The following NEB variants were observed in gnomAD, a reference collection of about 807,000 sequenced individuals.
The protein encoded by NEB is nebulin.
In NEB, 512 loss-of-function variants were observed where a neutral mutation model predicts 952.2. The observed-to-expected ratio is 0.54, with a 90% CI of 0.50 to 0.58. The LOEUF is 0.58. NEB is among the 20% of genes least tolerant of loss of function. The pLI is 0.00. For missense variants in NEB, 8,428 were observed against 9,231.1 expected (o/e 0.91, Z 3.56); for synonymous variants, 2,900 against 3,149.8 (o/e 0.92, Z 2.66).
At chr2:151,638,403 G>A (rs1013092261) in intron 63 of NEB, among the ~76,000 whole-genome samples, 3 of 152,188 alleles carry the variant, frequency 2.0e-5, no homozygotes, top group Admixed American at 2.0e-4. Context: ...CCGCAGCTTG[G>A]GATATTGGAT....
intron 126 of NEB, 25 bp downstream of exon 126, chr2:151,553,803 G>A (rs752862300): frequency 1.9e-6 from 3 of 1,587,268 alleles, no homozygotes; most frequent in African/African-American, 2.7e-5. Context: ...GCCGTGGAGG[G>A]GTACTTCTTA....
chr2:151,489,987 T>C lies in NEB; in HGVS notation c.25388A>G (p.His8463Arg). 4 of 1,599,752 alleles carry C rather than the reference T, an allele frequency of 2.5e-6. No individual in the cohort carries two copies. Among genetic ancestry groups the C allele is most frequent in the Non-Finnish European group, 3.4e-6 (4 of 1,167,034 alleles). ...TTCACTTACTCCAGCAGTAGATGGA[T>C]GAGATGGGATGGAAGATACCGTTGT... Reference protein sequence around the residue: ...QQTTVSSIPSHPSTAGKIFRA... With the variant: ...QQTTVSSIPSRPSTAGKIFRA... Residue 8463 changes from histidine (H) to arginine (R), a missense_variant, in exon 181 of 182, where the codon CAT becomes CGT. This residue lies in a region of NEB where 3,374 missense variants were observed against 3,651.5 expected (regional missense o/e 0.92). Transcript: ENST00000397345.
At chr2:151,665,299 G>T in intron 42 of NEB, 34 bp downstream of exon 42, 5 of 1,598,644 alleles carry the variant, frequency 3.1e-6, no homozygotes, top group Non-Finnish European at 4.3e-6. Flanking sequence ...CACCATGAGG[G>T]TTCCCTGGGC....
Position 151,610,878 on chromosome 2 carries a change from G to T in NEB, c.11806-12C>A. On this transcript the variant is annotated splice_polypyrimidine_tract_variant and intron_variant, in intron 78 of 181. Transcript: ENST00000397345. ...TCTGTGTATAAATGCTACAGGGCAG[G>T]GCGGCATGGGGCATGGGGAGAGGGA... The T allele has an allele frequency of 6.5e-7, 1 of 1,533,216 alleles. No homozygotes were observed. The highest frequency in any genetic ancestry group is 8.9e-7 in the Non-Finnish European group (1 of 1,127,272). The allele number at this position is 1,533,216 out of a possible 1,614,324, so 95.0% of individuals were successfully genotyped here. A position where few individuals can be genotyped will look rare whatever the true frequency, so the allele number is the denominator to read the frequency against.
Position 151,513,676 on chromosome 2 carries a change from G to T in NEB, c.23145C>A (p.Asp7715Glu), listed in dbSNP as rs1267175445. ...CTCTTCCTTTGACTTCCAGTTCCAG[G>T]TCTCGCTTATATTCTTTCTATAGTA... ...QILNEKEYKR[D>E]LELEVKGRGL... The change falls in exon 160 of 182, where the codon GAC becomes GAA. Residue 7715 changes from aspartate to glutamate, a missense_variant. By Grantham distance (45) the Asp-to-Glu change is conservative. This residue lies in a region of NEB where 3,374 missense variants were observed against 3,651.5 expected (regional missense o/e 0.92). Transcript: ENST00000397345. 6.2e-7 allele frequency: 1 copy of T among 1,602,720 alleles called. No homozygotes were observed. Among genetic ancestry groups the T allele is most frequent in the Admixed American group, 1.7e-5 (1 of 58,784 alleles).
intron 46 of NEB, among the ~76,000 whole-genome samples, chr2:151,660,248 C>T (rs544731507): frequency 5.9e-5 from 9 of 152,314 alleles, no homozygotes; most frequent in African/African-American, 1.4e-4. Flanking sequence ...ACTTCTCCTC[C>T]GGCCTAGTCC....
rs2058601410 is a variant in NEB, at chr2:151,494,198, A to G, written c.24542T>C (p.Met8181Thr). The G allele has an allele frequency of 1.2e-6, 2 of 1,608,472 alleles. No homozygotes were observed. Among genetic ancestry groups the G allele is most frequent in the African/African-American group, 1.3e-5 (1 of 74,900 alleles). ...KATATPVTPE[M>T]QRVKRNQENI... ...TTCTTGATTGCGTTTGACTCTCTGC[A>G]TCTCAGGAGTGACAGGGGTTGCGGT... Residue 8181 changes from methionine to threonine, a missense_variant, in exon 174 of 182, where the codon ATG (methionine) becomes ACG (threonine). Coordinates refer to ENST00000397345, the MANE Select transcript of NEB (RefSeq NM_001164508.2).
intron 148 of NEB, 106 bp downstream of exon 148, chr2:151,526,812 T>A: frequency 3.5e-6 from 3 of 848,128 alleles, no homozygotes; most frequent in Non-Finnish European, 5.8e-6. Flanking sequence ...ACCTGAGCCC[T>A]GATGGAAGCA....
chr2:151,495,370 C>G (rs2059512490), intron 173 of NEB: 2 of 152,216 alleles, frequency 1.3e-5, no homozygotes, highest in African/African-American at 2.4e-5. Flanking sequence ...CTCTGGCCCC[C>G]TCTATAACAG....
intron 48 of NEB, among the ~76,000 whole-genome samples, chr2:151,657,365 G>C (rs762214883): frequency 2.0e-5 from 3 of 152,128 alleles, no homozygotes; most frequent in African/African-American, 7.2e-5. Flanking sequence ...ATTTCTTGTG[G>C]AAACAACCAA....
At chr2:151,539,457 C>T (rs1327881547) in intron 138 of NEB, among the ~76,000 whole-genome samples, 1 of 152,074 alleles carries the variant, frequency 6.6e-6, no homozygotes, top group East Asian at 1.9e-4. Flanking sequence ...TTTTCTGCCT[C>T]GGGCTTACTG....
At chr2:151,569,074 G>A (rs2096537913) in intron 110 of NEB, among the ~76,000 whole-genome samples, 194 bp downstream of exon 110, 1 of 152,190 alleles carries the variant, frequency 6.6e-6, no homozygotes, top group Non-Finnish European at 1.5e-5. Context: ...CAGTGAGTGT[G>A]CTGGATATTA....
In NEB at chr2:151,526,238, T is replaced by G. The variant is rs756646859; in HGVS notation, c.21970A>C (p.Lys7324Gln). ...SDLKYKEKHV[K>Q]ERGTCHAVPD... ...ACGGCATGGCAGGTTCCTCTTTCCT[T>G]GACATGTTTCTCTTTGTATTTCAGC... The change falls in exon 149 of 182, where the codon AAG becomes CAG. Residue 7324 changes from lysine (K) to glutamine (Q), a missense_variant. By Grantham distance (53) the Lys-to-Gln change is moderately conservative (BLOSUM62 1). This residue lies in a region of NEB where 3,374 missense variants were observed against 3,651.5 expected (regional missense o/e 0.92). Coordinates refer to ENST00000397345, the MANE Select transcript of NEB (RefSeq NM_001164508.2). 32 of 1,612,752 alleles carry G rather than the reference T, an allele frequency of 2.0e-5. No individual in the cohort carries two copies. Among genetic ancestry groups the G allele is most frequent in the Middle Eastern group, 3.3e-4 (2 of 6,072 alleles).
rs1000847538 is a variant in NEB at position 151,665,476 on chromosome 2, G to C, written c.5095C>G (p.Leu1699Val). The C allele has an allele frequency of 6.2e-6, 10 of 1,612,868 alleles. No homozygotes were observed. In the Admixed American group the frequency reaches 1.2e-4, roughly 19 times the overall value. Reference protein sequence around the residue: ...KGIGWVPIESLEVEKAKKAGE... With the variant: ...KGIGWVPIESVEVEKAKKAGE... ...GCTTTCTTTGCCTTCTCCACCTCCA[G>C]GGACTCTATGGGCACCCAGCCGATC... Residue 1699 changes from leucine to valine, a missense_variant, in exon 42 of 182, where the codon CTG becomes GTG. Physicochemically the swap from Leu to Val is conservative, Grantham distance 32. This residue lies in a region of NEB where 2,851 missense variants were observed against 2,791.5 expected (regional missense o/e 1.02). Transcript: ENST00000397345.
intron 172 of NEB, 83 bp downstream of exon 172, chr2:151,496,858 A>G: frequency 7.2e-7 from 1 of 1,395,650 alleles, no homozygotes; most frequent in Non-Finnish European, 9.8e-7. Context: ...GTCTTTAGAA[A>G]ATAGGATTAA....
intron 13 of NEB, among the ~76,000 whole-genome samples, chr2:151,706,050 T>C (rs2099704868): frequency 6.6e-6 from 1 of 152,180 alleles, no homozygotes; most frequent in East Asian, 1.9e-4. Context: ...AAACCACCTG[T>C]ACCCCAACAA....
At chr2:151,730,382 ATGGATCTGCAGCC>A (rs989846412) in intron 3 of NEB, among the ~76,000 whole-genome samples, 11 of 152,040 alleles carry the variant, frequency 7.2e-5, no homozygotes, top group Admixed American at 6.6e-4. Flanking sequence ...GGCCTGCATG[ATGGATCTGCAGCC>A]TGGATCTGAA....
chr2:151,678,240 TA>T (rs1447306722), intron 32 of NEB, 53 bp from the exon 33 acceptor site: 4 of 1,180,328 alleles, frequency 3.4e-6, no homozygotes, highest in South Asian at 3.3e-5. Context: ...AGGGCTTTAC[TA>T]AACAATGAGG....
At chr2:151,651,417 C>T (rs998599443) in intron 52 of NEB, among the ~76,000 whole-genome samples, 8 of 152,244 alleles carry the variant, frequency 5.3e-5, no homozygotes, top group South Asian at 2.1e-4. Context: ...TAAGTAAATA[C>T]GCCTAATAAT....
Sources: allele counts gnomAD v4.1 joint callset (sites outside exome capture counted in the v4.1 genomes callset), GRCh38; gene constraint gnomAD v4.1.1; regional missense constraint gnomAD v4.1.1; transcripts MANE v1.5; gene names NCBI Gene and HGNC (gene_info 2026-07-23, HGNC 2026-07-21).